GPC5: variants seen among roughly 807,000 people sequenced by gnomAD.
The protein encoded by GPC5 is glypican-5.
A neutral mutation model predicts 53.9 loss-of-function variants in GPC5; 47 were observed. That is an observed-to-expected ratio of 0.87 (90% CI 0.69 to 1.11). The LOEUF (loss-of-function observed/expected upper bound fraction) is 1.11, where lower values mean the gene tolerates loss of function less well. Among genes scored for constraint, GPC5 ranks in the 50% most tolerant of loss-of-function variants. The pLI, the probability that GPC5 is intolerant of heterozygous loss-of-function variation, is 0.00. For synonymous variants in GPC5, 286 were observed against 263.3 expected (o/e 1.09, Z -0.84); for missense variants, 748 against 713.1 (o/e 1.05, Z -0.56).
At chr13:92,331,194 G>GT (rs1311069164) in intron 7 of GPC5, among the ~76,000 whole-genome samples, 7 of 151,966 alleles carry the variant, frequency 4.6e-5, no homozygotes, top group African/African-American at 1.7e-4. Flanking sequence ...CAGTTTTTCT[G>GT]TTTTTTTCCC....
rs143483419 is a variant in GPC5, at chr13:91,860,810, A to T, written c.1281-47127A>T. Among the ~76,000 whole-genome samples, 763 of 152,212 alleles carry T rather than the reference A, an allele frequency of 5.0e-3. 9 individuals are homozygous for T. The highest frequency in any genetic ancestry group is 0.016 in the African/African-American group (684 of 41,562). ...AGCCGCCGTGCCCGGCCTGTATACC[A>T]TATTTTCTTTATCCACTCATCTGTT... On this transcript the variant is annotated intron_variant, in intron 5 of 7. Transcript: ENST00000377067.
At position 91,764,388 on chromosome 13, in the gene GPC5, G is replaced by A. The variant is rs150317646; in HGVS notation, c.1280+7968G>A. 8.7e-4 allele frequency among the ~76,000 whole-genome samples: 133 copies of A among 152,230 alleles called. 1 individual carries two copies. Among genetic ancestry groups the A allele is most frequent in the African/African-American group, 2.8e-3 (117 of 41,536 alleles). ...GGTAATCAGTTGTCTCTTGTTAAGCGTGTGTAATCATTACATTCAGAAAGC... is the reference window on the plus strand; with the variant it reads ...GGTAATCAGTTGTCTCTTGTTAAGCATGTGTAATCATTACATTCAGAAAGC... On this transcript the variant is annotated intron_variant, in intron 5 of 7. Transcript: ENST00000377067.
chr13:91,722,894 A>T (rs1023312559), intron 3 of GPC5, among the ~76,000 whole-genome samples: 1 of 152,192 alleles, frequency 6.6e-6, no homozygotes, highest in Non-Finnish European at 1.5e-5. Flanking sequence ...AGAACTGGGC[A>T]CCTTGTACAA....
intron 6 of GPC5, among the ~76,000 whole-genome samples, chr13:91,935,775 G>C (rs1212486762): frequency 6.6e-6 from 1 of 151,998 alleles, no homozygotes; most frequent in African/African-American, 2.4e-5. Flanking sequence ...GAGAGTTAAT[G>C]TCAAGTGCAA....
chr13:92,398,825 G>A (rs1400492410), intron 7 of GPC5, among the ~76,000 whole-genome samples: 2 of 151,924 alleles, frequency 1.3e-5, no homozygotes, highest in South Asian at 2.1e-4. Context: ...TTTGCTTCAG[G>A]TCATCCTGTC....
At chr13:92,444,424 C>G (rs1435195266) in intron 7 of GPC5, among the ~76,000 whole-genome samples, 1 of 152,066 alleles carries the variant, frequency 6.6e-6, no homozygotes, top group Admixed American at 6.6e-5. Flanking sequence ...ATGAGTAAGA[C>G]TCAATTCAGG....
rs1407701049 is a variant in GPC5 at position 91,756,319 on chromosome 13, G to A, written c.1179G>A (p.Leu393=). 2 of 1,576,514 alleles carry A rather than the reference G, an allele frequency of 1.3e-6. No homozygotes were observed. Among genetic ancestry groups the A allele is most frequent in the Middle Eastern group, 1.7e-4 (1 of 5,930 alleles). ...RRKEFINSLR[L]YRSFYGGLAD... is the part of the protein sequence containing the mutation. ...GAGAATTTATCAACAGCCTTCGACT[G>A]TACAGGTCATTCTATGGAGGTCTAG... The change falls in exon 5 of 8, where the codon CTG becomes CTA. Residue 393 remains leucine, a synonymous_variant. Transcript: ENST00000377067.
chr13:91,547,524 G>T (rs1045559104), intron 2 of GPC5, among the ~76,000 whole-genome samples: 1 of 152,066 alleles, frequency 6.6e-6, no homozygotes, highest in Non-Finnish European at 1.5e-5. Flanking sequence ...AAAACAGAAA[G>T]CACCAGGCCC....
chr13:91,886,848 A>G (rs1789673306), intron 5 of GPC5, among the ~76,000 whole-genome samples: 1 of 152,170 alleles, frequency 6.6e-6, no homozygotes, highest in African/African-American at 2.4e-5. Context: ...TGCAGGGTAC[A>G]GCCTCCCTCC....
At chr13:91,711,156 G>A (rs1472606888) in intron 3 of GPC5, among the ~76,000 whole-genome samples, 3 of 152,130 alleles carry the variant, frequency 2.0e-5, no homozygotes, top group East Asian at 1.9e-4. Context: ...ACATGCACAT[G>A]TATGTTTATT....
chr13:91,667,586 T>G (rs2035146509), intron 2 of GPC5, among the ~76,000 whole-genome samples: 1 of 152,104 alleles, frequency 6.6e-6, no homozygotes, highest in Admixed American at 6.5e-5. Flanking sequence ...GCACTGGGGA[T>G]CAATCGCCAG....
chr13:91,562,359 A>C (rs184095219), intron 2 of GPC5, among the ~76,000 whole-genome samples: 2 of 152,174 alleles, frequency 1.3e-5, no homozygotes, highest in African/African-American at 4.8e-5. Flanking sequence ...AGTCACCTTC[A>C]TAAGTACATG....
intron 7 of GPC5, among the ~76,000 whole-genome samples, chr13:92,840,309 C>T (rs1878392938): frequency 6.6e-6 from 1 of 151,534 alleles, no homozygotes; most frequent in African/African-American, 2.4e-5. Context: ...TGAGTTGCTT[C>T]CTCTTTGGCT....
At chr13:92,085,710 G>A (rs1293163987) in intron 6 of GPC5, among the ~76,000 whole-genome samples, 3 of 152,156 alleles carry the variant, frequency 2.0e-5, no homozygotes, top group Non-Finnish European at 4.4e-5. Context: ...GTTCCCATCT[G>A]GGGGGTGATG....
chr13:92,432,703 A>G (rs1330954441), intron 7 of GPC5, among the ~76,000 whole-genome samples: 2 of 152,026 alleles, frequency 1.3e-5, no homozygotes, highest in African/African-American at 4.8e-5. Context: ...AGCTTCAGCA[A>G]CCTAGTGTTT....
intron 1 of GPC5, among the ~76,000 whole-genome samples, chr13:91,430,264 T>C (rs984813351): frequency 3.9e-5 from 6 of 152,144 alleles, no homozygotes; most frequent in African/African-American, 1.4e-4. Flanking sequence ...TATAACTGTT[T>C]GACCTGACTA....
chr13:92,239,594 A>T (rs2776432), intron 7 of GPC5, among the ~76,000 whole-genome samples: 1 of 151,410 alleles, frequency 6.6e-6, no homozygotes, highest in Non-Finnish European at 1.5e-5. Flanking sequence ...ATATCCTGCC[A>T]TTGAATTTTA....
At chr13:92,124,689 G>A (rs550018684) in intron 6 of GPC5, among the ~76,000 whole-genome samples, 2 of 152,258 alleles carry the variant, frequency 1.3e-5, no homozygotes, top group African/African-American at 4.8e-5. Context: ...TGAGTTTGCT[G>A]ATAATGAAGA....
chr13:92,308,323 T>C (rs1015343485), intron 7 of GPC5, among the ~76,000 whole-genome samples: 6 of 152,182 alleles, frequency 3.9e-5, no homozygotes, highest in African/African-American at 1.4e-4. Context: ...CAAATACTAC[T>C]CTTATTATAA....
Sources: gnomAD v4.1 joint callset for allele counts (sites outside exome capture counted in the v4.1 genomes callset) on GRCh38, gnomAD v4.1.1 for gene constraint, MANE v1.5 for transcripts, NCBI Gene and HGNC (gene_info 2026-07-23, HGNC 2026-07-21) for gene names.